ZNF644: variants seen among roughly 807,000 people sequenced by gnomAD.
ZNF644 encodes the protein zinc finger motif enhancer binding protein 2.
In ZNF644, 20 loss-of-function variants were observed where a neutral mutation model predicts 108.0. The ratio of observed to expected loss-of-function variants is 0.19; its 90% CI spans 0.13 to 0.27. The LOEUF (loss-of-function observed/expected upper bound fraction) is 0.27. ZNF644 is among the 10% of genes least tolerant of loss of function. ZNF644 has a pLI of 1.00. For synonymous variants in ZNF644, 542 were observed against 539.1 expected (o/e 1.01, Z -0.08); for missense variants, 1,338 against 1,548.9 (o/e 0.86, Z 2.29).
chr1:90,983,977 G>A (rs905760360), intron 1 of ZNF644, among the ~76,000 whole-genome samples: 1 of 152,124 alleles, frequency 6.6e-6, no homozygotes, highest in African/African-American at 2.4e-5. Context: ...TGAAAATGCT[G>A]CTTTCGTAGA....
chr1:90,933,989 TG>T (rs1651046596), intron 4 of ZNF644, among the ~76,000 whole-genome samples: 1 of 152,228 alleles, frequency 6.6e-6, no homozygotes, highest in African/African-American at 2.4e-5. Context: ...CATAGCATAG[TG>T]CCTGACACAT....
chr1:90,929,397 GC>G (rs1434403961), intron 4 of ZNF644, among the ~76,000 whole-genome samples: 5 of 152,134 alleles, frequency 3.3e-5, no homozygotes, highest in African/African-American at 1.2e-4. Context: ...ACCCTCCTCA[GC>G]CCAGTCTGGA....
Position 90,940,344 on chromosome 1 carries a change from G to A in ZNF644, c.1010C>T (p.Ser337Leu), listed in dbSNP as rs778114369. The A allele has an allele frequency of 1.2e-6, 2 of 1,613,624 alleles. No homozygotes were observed. The highest frequency in any genetic ancestry group is 1.7e-6 in the Non-Finnish European group (2 of 1,179,960). Residue 337 changes from serine (S) to leucine (L), a missense_variant, in exon 3 of 6, where the codon TCA becomes TTA. Transcript: ENST00000337393. ...CACTTTTGATAATGCATATTTCTGT[G>A]AGTCTACTGCTTGTAGCTCTTCATT... ...EQNEELQAVD[S>L]QKYALSKVKP...
At chr1:90,918,341 G>A (rs1292378403) in intron 4 of ZNF644, 187 bp from the exon 5 acceptor site, 1 of 616,130 alleles carries the variant, frequency 1.6e-6, no homozygotes, top group African/African-American at 1.8e-5. Context: ...TATCTGTACT[G>A]TACAGCGGTA....
chr1:91,000,444 T>C (rs2101664634), intron 1 of ZNF644, among the ~76,000 whole-genome samples: 1 of 151,802 alleles, frequency 6.6e-6, no homozygotes, highest in East Asian at 1.9e-4. Context: ...AACTATTGGG[T>C]ACATAACGAA....
At chr1:90,969,797 A>G (rs930144271) in intron 2 of ZNF644, among the ~76,000 whole-genome samples, 4 of 152,142 alleles carry the variant, frequency 2.6e-5, no homozygotes, top group Middle Eastern at 3.4e-3. Flanking sequence ...TGTAGGAAAA[A>G]AACAGCCCAT....
At position 90,939,488 on chromosome 1, in the gene ZNF644, T is replaced by G. The variant is rs761648554; in HGVS notation, c.1866A>C (p.Gly622=). The G allele has an allele frequency of 6.8e-6, 11 of 1,613,690 alleles. No homozygotes were observed. Among genetic ancestry groups the G allele is most frequent in the Non-Finnish European group, 9.3e-6 (11 of 1,179,908 alleles). Residue 622 remains glycine (G), a synonymous_variant, in exon 3 of 6, where the codon GGA becomes GGC. Coordinates refer to ENST00000337393, the MANE Select transcript of ZNF644 (RefSeq NM_201269.3). ...SCVDSFGSPL[G]LDKRKNDILE... ...GGATGTCATTTTTTCTTTTATCAAG[T>G]CCAAGAGGACTACCAAATGAATCAA... is the stretch of plus-strand genomic sequence containing the variant.
intron 1 of ZNF644, among the ~76,000 whole-genome samples, chr1:91,002,665 C>T (rs1658978843): frequency 6.6e-6 from 1 of 152,036 alleles, no homozygotes; most frequent in South Asian, 2.1e-4. Context: ...CAACAAAAGC[C>T]AAAATTGACA....
At position 90,939,712 on chromosome 1, in the gene ZNF644, G is replaced by A. The variant is rs1391223220; in HGVS notation, c.1642C>T (p.His548Tyr). The A allele has an allele frequency of 6.2e-7, 1 of 1,613,988 alleles. No homozygotes were observed. Among genetic ancestry groups the A allele is most frequent in the Non-Finnish European group, 8.5e-7 (1 of 1,179,934 alleles). Residue 548 changes from histidine (H) to tyrosine (Y), a missense_variant, in exon 3 of 6, where the codon CAT becomes TAT. Coordinates refer to ENST00000337393, the MANE Select transcript of ZNF644 (RefSeq NM_201269.3). ...ATAGGGCATTTTACCACTGCCCCATGTGCAATGCCTCGATGGCATTCCAAT... is the reference window on the plus strand; with the variant it reads ...ATAGGGCATTTTACCACTGCCCCATATGCAATGCCTCGATGGCATTCCAAT... ...NELECHRGIA[H>Y]GAVVKCPMVT...
intron 2 of ZNF644, among the ~76,000 whole-genome samples, chr1:90,953,079 T>C (rs1389161282): frequency 2.7e-5 from 4 of 150,316 alleles, no homozygotes; most frequent in Admixed American, 6.6e-5. Flanking sequence ...GACTATCTGA[T>C]GTTCTGTCAC....
At chr1:90,933,451 C>G (rs1013075292) in intron 4 of ZNF644, among the ~76,000 whole-genome samples, 4 of 152,054 alleles carry the variant, frequency 2.6e-5, no homozygotes, top group Admixed American at 1.3e-4. Flanking sequence ...TGCCTGAGGT[C>G]AGGAGTTCGA....
At chr1:91,007,219 C>CGTTTTTTTTTTT in intron 1 of ZNF644, among the ~76,000 whole-genome samples, 1 of 114,246 alleles carries the variant, frequency 8.8e-6, no homozygotes, top group Non-Finnish European at 1.8e-5. Context: ...CATTTTCTCC[C>CGTTTTTTTTTTT]ATTTTGTTTT....
At chr1:90,986,773 AG>A (rs890618356) in intron 1 of ZNF644, among the ~76,000 whole-genome samples, 69 of 152,108 alleles carry the variant, frequency 4.5e-4, no homozygotes, top group African/African-American at 1.6e-3. Flanking sequence ...ATTATATAAA[AG>A]GTAGGTCACA....
At chr1:90,929,940 A>C (rs747140775) in intron 4 of ZNF644, among the ~76,000 whole-genome samples, 1 of 152,264 alleles carries the variant, frequency 6.6e-6, no homozygotes, top group Non-Finnish European at 1.5e-5. Flanking sequence ...ATGATGGATA[A>C]GTCATTTGTT....
chr1:90,920,318 A>G (rs1343851393), intron 4 of ZNF644, among the ~76,000 whole-genome samples: 1 of 152,090 alleles, frequency 6.6e-6, no homozygotes, highest in Non-Finnish European at 1.5e-5. Flanking sequence ...TGTAGGATAC[A>G]AATAGAATAC....
At chr1:90,994,450 T>C (rs1026432907) in intron 1 of ZNF644, among the ~76,000 whole-genome samples, 3 of 152,252 alleles carry the variant, frequency 2.0e-5, no homozygotes, top group African/African-American at 7.2e-5. Context: ...GGGAAAAACA[T>C]GGCAGTCAGA....
At chr1:90,994,451 G>C (rs1657934723) in intron 1 of ZNF644, among the ~76,000 whole-genome samples, 1 of 152,126 alleles carries the variant, frequency 6.6e-6, no homozygotes, top group Non-Finnish European at 1.5e-5. Flanking sequence ...GGAAAAACAT[G>C]GCAGTCAGAG....
Position 90,933,685 on chromosome 1 carries a change from GA to G in ZNF644, c.3688+3799del, listed in dbSNP as rs1651008809. Among the ~76,000 whole-genome samples, 14 of 12,958 alleles carry G rather than the reference GA, an allele frequency of 1.1e-3. No individual in the cohort carries two copies. In the South Asian group the frequency reaches 0.03, roughly 28 times the overall value. 8.5% of individuals were successfully genotyped at this position (12,958 alleles called of 152,430 possible). On this transcript the variant is annotated intron_variant, in intron 4 of 5. Transcript: ENST00000337393. ...TCTCAAAATAAATAAATAAATAAAT[GA>G]ACAAACCCACCTTCATTTTAGAATT...
intron 1 of ZNF644, among the ~76,000 whole-genome samples, chr1:90,996,403 G>A (rs1658149007): frequency 6.6e-6 from 1 of 152,170 alleles, no homozygotes; most frequent in Admixed American, 6.5e-5. Context: ...AGTGATAGAT[G>A]GCTGAATCTT....
Sources: allele counts gnomAD v4.1 joint callset (sites outside exome capture counted in the v4.1 genomes callset), GRCh38; gene constraint gnomAD v4.1.1; transcripts MANE v1.5; gene names NCBI Gene and HGNC (gene_info 2026-07-23, HGNC 2026-07-21).